The following SAR1B variants were observed in gnomAD, a reference collection of about 807,000 sequenced individuals.
SAR1B encodes the protein secretion associated Ras related GTPase 1B.
Under a neutral mutation model 26.8 loss-of-function variants are expected in SAR1B, and 23 were observed. That is an observed-to-expected ratio of 0.86 (90% confidence interval 0.62 to 1.22). The LOEUF (loss-of-function observed/expected upper bound fraction) is 1.22, where lower values mean the gene tolerates loss of function less well. SAR1B is among the 50% of genes most tolerant of loss of function. The pLI is 0.00. For missense variants in SAR1B, 196 were observed against 232.8 expected (o/e 0.84, Z 1.03); for synonymous variants, 65 against 80.8 (o/e 0.80, Z 1.05).
rs764972015 is a variant in SAR1B at position 134,607,102 on chromosome 5, T to C, written c.481-36A>G. On this transcript the variant is annotated intron_variant, in intron 6 of 6. Coordinates refer to ENST00000402673, the MANE Select transcript of SAR1B (RefSeq NM_016103.4). ...AGAGAGACATTTCGTTGGAATTTTA[T>C]AAAATTAATAAAGCCCCACATCCCA... 5 of 1,261,082 alleles carry C rather than the reference T, an allele frequency of 4.0e-6. No homozygotes were observed. In the African/African-American group the frequency reaches 7.3e-5, roughly 19 times the overall value. The allele number at this position is 1,261,082 out of a possible 1,614,324, so 78.1% of individuals were successfully genotyped here.
intron 1 of SAR1B, among the ~76,000 whole-genome samples, chr5:134,629,888 A>C (rs1354535919): frequency 6.6e-6 from 1 of 150,560 alleles, no homozygotes; most frequent in Admixed American, 6.6e-5. Flanking sequence ...TCTGTCTCAA[A>C]AAAAAAAAAA....
At chr5:134,622,920 G>A (rs908873184) in intron 2 of SAR1B, among the ~76,000 whole-genome samples, 2 of 147,856 alleles carry the variant, frequency 1.4e-5, no homozygotes, top group Non-Finnish European at 3.0e-5. Flanking sequence ...TCAGGAGTTC[G>A]AGACCAGATT....
At chr5:134,609,778 G>A (rs961607771) in intron 4 of SAR1B, 104 bp from the exon 5 acceptor site, 5 of 819,770 alleles carry the variant, frequency 6.1e-6, no homozygotes, top group African/African-American at 3.4e-5. Flanking sequence ...TCCCTTAGCT[G>A]CTGGTACTTC....
chr5:134,631,864 G>C (rs951803056), intron 1 of SAR1B: 2 of 152,136 alleles, frequency 1.3e-5, no homozygotes, highest in African/African-American at 4.8e-5. Flanking sequence ...AGGAGTTGGA[G>C]ACCAGACTGG....
intron 3 of SAR1B, chr5:134,614,150 A>C (rs1765269157): frequency 6.6e-6 from 1 of 151,890 alleles, no homozygotes; most frequent in African/African-American, 2.4e-5. Flanking sequence ...TATTAAAAAA[A>C]AGAAAGAAAG....
chr5:134,612,661 AAAAAAAAAAAAAAAAAAAAAG>A lies in SAR1B; in HGVS notation c.244+9_244+29del. The A allele has an allele frequency of 8.5e-7, 1 of 1,172,978 alleles. No homozygotes were observed. The highest frequency in any genetic ancestry group is 3.1e-5 in the East Asian group (1 of 32,692). The allele number at this position is 1,172,978 out of a possible 1,614,324, so 72.7% of individuals were successfully genotyped here. On this transcript the variant is annotated intron_variant, in intron 4 of 6. Coordinates refer to ENST00000402673, the MANE Select transcript of SAR1B (RefSeq NM_016103.4). ...CTGTCTAAAAAAAAAAAAAAAAAAA[AAAAAAAAAAAAAAAAAAAAAG>A]AATCTTACCTTGAACATGTCCACCC...
At chr5:134,622,029 T>C (rs755932277) in intron 2 of SAR1B, among the ~76,000 whole-genome samples, 6 of 152,230 alleles carry the variant, frequency 3.9e-5, no homozygotes, top group Admixed American at 6.5e-5. Flanking sequence ...AGCCAAACTT[T>C]ATTTTTTACA....
chr5:134,629,909 G>T (rs1473703660), intron 1 of SAR1B, among the ~76,000 whole-genome samples: 1 of 149,920 alleles, frequency 6.7e-6, no homozygotes, highest in Non-Finnish European at 1.5e-5. Context: ...AGAAAAAAAA[G>T]AAAAAGAAAA....
At chr5:134,622,142 C>T (rs962255605) in intron 2 of SAR1B, among the ~76,000 whole-genome samples, 2 of 152,142 alleles carry the variant, frequency 1.3e-5, no homozygotes, top group African/African-American at 2.4e-5. Context: ...TCAGGCCATC[C>T]GTTTTTGAAT....
chr5:134,620,882 G>C (rs2150054157), intron 3 of SAR1B, 51 bp downstream of exon 3: 1 of 1,605,648 alleles, frequency 6.2e-7, no homozygotes, highest in South Asian at 1.1e-5. Context: ...TAGTGCATAT[G>C]ACTCAGCATC....
At chr5:134,625,291 T>G (rs1765476222) in intron 1 of SAR1B, among the ~76,000 whole-genome samples, 1 of 152,158 alleles carries the variant, frequency 6.6e-6, no homozygotes, top group South Asian at 2.1e-4. Context: ...TGCCAATCTG[T>G]GCTGATTTCC....
At chr5:134,615,269 A>G (rs961765854) in intron 3 of SAR1B, among the ~76,000 whole-genome samples, 1 of 146,600 alleles carries the variant, frequency 6.8e-6, no homozygotes, top group African/African-American at 2.5e-5. Flanking sequence ...AATCGCTTGA[A>G]CCCTGGCGGC....
In SAR1B at chr5:134,606,144, G is replaced by A. The variant is rs1245534529; in HGVS notation, c.*806C>T. 6.6e-6 allele frequency: 1 copy of A among 152,226 alleles called. No homozygotes were observed. Among genetic ancestry groups the A allele is most frequent in the African/African-American group, 2.4e-5 (1 of 41,442 alleles). The allele number at this position is 152,226 out of a possible 1,614,324, so 9.4% of individuals were successfully genotyped here. A position where few individuals can be genotyped will look rare whatever the true frequency, so the allele number is the denominator to read the frequency against. Reference sequence around the variant, plus strand: ...ACCATAAATGTGCTTTTCTTCAGAAGGCCAATCCCACAGGGACTAGGACAC... The same window carrying A: ...ACCATAAATGTGCTTTTCTTCAGAAAGCCAATCCCACAGGGACTAGGACAC... On this transcript the variant is annotated 3_prime_UTR_variant, in exon 7 of 7. Coordinates refer to ENST00000402673, the MANE Select transcript of SAR1B (RefSeq NM_016103.4).
chr5:134,618,391 C>CT lies in SAR1B; in HGVS notation c.178+2541dup, dbSNP rs1765349086. The stretch of plus-strand genomic sequence containing the variant: ...CACTAATTGTTTTATAGATAAAATA[C>CT]TTTGTTTTGTTCTATCCTCATTCTT... On this transcript the variant is annotated intron_variant, in intron 3 of 6. Coordinates refer to ENST00000402673, the MANE Select transcript of SAR1B (RefSeq NM_016103.4). 2.6e-5 allele frequency: 4 copies of CT among 152,114 alleles called. No individual in the cohort carries two copies. The South Asian group carries it at 8.3e-4, about 31-fold the overall frequency. The allele number at this position is 152,114 out of a possible 1,614,324, so 9.4% of individuals were successfully genotyped here. A position where few individuals can be genotyped will look rare whatever the true frequency, so the allele number is the denominator to read the frequency against.
intron 3 of SAR1B, among the ~76,000 whole-genome samples, chr5:134,615,760 TGAGCC>T (rs1386980601): frequency 6.6e-6 from 1 of 151,912 alleles, no homozygotes; most frequent in Non-Finnish European, 1.5e-5. Context: ...GAGCTTGCAG[TGAGCC>T]GAGATTGCAC....
chr5:134,620,982 G>T lies in SAR1B; in HGVS notation c.129C>A (p.His43Gln), dbSNP rs1375380785. Reference sequence around the variant, plus strand: ...GTCCAAGTCTGTCATCTTTTAGCATGTGTAGCAATGTTGTTTTTCCTGCAT... The same window carrying T: ...GTCCAAGTCTGTCATCTTTTAGCATTTGTAGCAATGTTGTTTTTCCTGCAT... The part of the protein sequence containing the change: ...LDNAGKTTLL[H>Q]MLKDDRLGQH... The change falls in exon 3 of 7, where the codon CAC (histidine) becomes CAA (glutamine). Residue 43 changes from histidine to glutamine, a missense_variant. Transcript: ENST00000402673. 1 of 1,612,972 alleles carries T rather than the reference G, an allele frequency of 6.2e-7. No homozygotes were observed. The highest frequency in any genetic ancestry group is 8.5e-7 in the Non-Finnish European group (1 of 1,178,954).
chr5:134,604,629 C>A lies in SAR1B; in HGVS notation c.*2321G>T, dbSNP rs887807749. ...AAATCTTATGTCTTTGGGAAAATAT[C>A]CACAGTTTAGCTGTGGTCCACAAAG... On this transcript the variant is annotated 3_prime_UTR_variant, in exon 7 of 7. Transcript: ENST00000402673. 3 of 152,152 alleles carry A rather than the reference C, an allele frequency of 2.0e-5. No homozygotes were observed. The highest frequency in any genetic ancestry group is 7.2e-5 in the African/African-American group (3 of 41,420). The allele number at this position is 152,152 out of a possible 1,614,324, so 9.4% of individuals were successfully genotyped here.
At chr5:134,629,330 G>A (rs556153515) in intron 1 of SAR1B, among the ~76,000 whole-genome samples, 3 of 151,932 alleles carry the variant, frequency 2.0e-5, no homozygotes, top group South Asian at 4.1e-4. Context: ...AGGCCGAGGT[G>A]GGGGGATCAC....
intron 4 of SAR1B, among the ~76,000 whole-genome samples, chr5:134,610,840 C>T (rs1561784423): frequency 6.6e-6 from 1 of 151,186 alleles, no homozygotes; most frequent in African/African-American, 2.4e-5. Context: ...GTAATTTTTT[C>T]CATAACATAA....
Sources: gnomAD v4.1 joint callset for allele counts (sites outside exome capture counted in the v4.1 genomes callset) on GRCh38, gnomAD v4.1.1 for gene constraint, MANE v1.5 for transcripts, NCBI Gene and HGNC (gene_info 2026-07-23, HGNC 2026-07-21) for gene names.